ATPAF2: variants seen among roughly 807,000 people sequenced by gnomAD.
ATPAF2 encodes ATP synthase mitochondrial F1 complex assembly factor 2.
ATPAF2 carries 30 observed loss-of-function variants against 36.6 expected under a neutral mutation model. That is an observed-to-expected ratio of 0.82 (90% CI 0.61 to 1.11). The LOEUF (loss-of-function observed/expected upper bound fraction) is 1.11, where lower values mean the gene tolerates loss of function less well. Ranked by LOEUF, ATPAF2 falls within the 50% of genes most tolerant of loss-of-function variation. ATPAF2 has a pLI of 0.00. For missense variants in ATPAF2, 321 were observed against 372.3 expected, an observed-to-expected ratio of 0.86 and a Z score of 1.13; for synonymous variants, 140 against 152.6, an observed-to-expected ratio of 0.92 and a Z score of 0.61.
intron 1 of ATPAF2, among the ~76,000 whole-genome samples, 162 bp downstream of exon 1, chr17:18,038,719 C>G (rs941745945): frequency 1.3e-5 from 2 of 152,224 alleles, no homozygotes; most frequent in African/African-American, 4.8e-5. Flanking sequence ...GTCGTCTGCC[C>G]TTGTCTGGGC....
chr17:18,015,936 G>A, downstream of ATPAF2: 3 of 927,998 alleles, frequency 3.2e-6, no homozygotes, highest in Non-Finnish European at 4.9e-6. Context: ...CTGATACAAA[G>A]GTGGGCTCTG....
At chr17:18,024,401 C>T (rs1265598658) in intron 5 of ATPAF2, among the ~76,000 whole-genome samples, 1 of 152,206 alleles carries the variant, frequency 6.6e-6, no homozygotes, top group Non-Finnish European at 1.5e-5. Flanking sequence ...TGAACCGCTA[C>T]AGCAGGTGTG....
intron 1 of ATPAF2, among the ~76,000 whole-genome samples, chr17:18,038,132 A>G (rs1347547910): frequency 1.3e-5 from 2 of 152,244 alleles, no homozygotes; most frequent in African/African-American, 4.8e-5. Flanking sequence ...CTACCAATAC[A>G]TACAGGTGGG....
At chr17:18,028,155 C>A (rs760698992) in intron 3 of ATPAF2, 77 bp downstream of exon 3, 1 of 1,590,982 alleles carries the variant, frequency 6.3e-7, no homozygotes. Flanking sequence ...AGGGCCTTGT[C>A]GGAATTTGGT....
chr17:18,029,598 A>AT (rs911786067), intron 1 of ATPAF2, among the ~76,000 whole-genome samples: 34 of 149,402 alleles, frequency 2.3e-4, no homozygotes, highest in East Asian at 1.2e-3. Context: ...TTTTATTATT[A>AT]TTTTTTTTTT....
chr17:18,027,894 A>G (rs1002922468), intron 3 of ATPAF2: 8 of 363,286 alleles, frequency 2.2e-5, no homozygotes, highest in Admixed American at 3.8e-5. Flanking sequence ...ATGTGCAAAC[A>G]TAAAACAATT....
chr17:18,029,625 C>G (rs2044598564), intron 1 of ATPAF2, among the ~76,000 whole-genome samples: 1 of 151,432 alleles, frequency 6.6e-6, no homozygotes, highest in East Asian at 1.9e-4. Flanking sequence ...GCGTCTCACT[C>G]TCTTGCCCAG....
Position 18,021,862 on chromosome 17 carries a change from A to C in ATPAF2, c.504-5T>G. On this transcript the variant is annotated splice_polypyrimidine_tract_variant and splice_region_variant and intron_variant, in intron 5 of 7. Coordinates refer to ENST00000474627, the MANE Select transcript of ATPAF2 (RefSeq NM_145691.4). ...GAGCTGATCTCCACGCCGTATCTGA[A>C]AGGAAAAGGGCTTCGGCATGTCTCT... The C allele has an allele frequency of 6.2e-7, 1 of 1,613,276 alleles. No homozygotes were observed. Among genetic ancestry groups the C allele is most frequent in the Non-Finnish European group, 8.5e-7 (1 of 1,179,284 alleles).
intron 1 of ATPAF2, among the ~76,000 whole-genome samples, chr17:18,031,970 G>T (rs992609004): frequency 2.0e-5 from 3 of 152,142 alleles, no homozygotes; most frequent in Admixed American, 2.0e-4. Context: ...CCAAATGGCA[G>T]GCTAGACATG....
rs141026645 is a variant in ATPAF2, at chr17:18,028,374, C to T, written c.182G>A (p.Gly61Asp). The T allele has an allele frequency of 3.1e-6, 5 of 1,613,838 alleles. No individual in the cohort carries two copies. In the African/African-American group the frequency reaches 5.3e-5, roughly 17 times the overall value. The change falls in exon 3 of 8, where the codon GGC becomes GAC. Residue 61 changes from glycine (G) to aspartate (D), a missense_variant. Physicochemically the swap from Gly to Asp is moderately conservative, Grantham distance 94 (BLOSUM62 -1). Coordinates refer to ENST00000474627, the MANE Select transcript of ATPAF2 (RefSeq NM_145691.4). Reference protein sequence around the residue: ...QNVSITQGEGGFEINLDHRKL... With the variant: ...QNVSITQGEGDFEINLDHRKL... ...CCTGTGGTCCAGGTTTATCTCAAAG[C>T]CACCTTGAAAGATCAAATGAAAAAC...
Position 18,019,147 on chromosome 17 carries a change from C to CCACACACACACACACACACA in ATPAF2, c.733-481_733-462dup, listed in dbSNP as rs138932269. Among the ~76,000 whole-genome samples, 709 of 135,628 alleles carry CCACACACACACACACACACA rather than the reference C, an allele frequency of 5.2e-3. 11 individuals carry two copies. Among genetic ancestry groups the CCACACACACACACACACACA allele is most frequent in the East Asian group, 0.021 (91 of 4,384 alleles). 89.0% of individuals were successfully genotyped at this position (135,628 alleles called of 152,430 possible). A position where few individuals can be genotyped will look rare whatever the true frequency, so the allele number is the denominator to read the frequency against. On this transcript the variant is annotated intron_variant, in intron 7 of 7. Coordinates refer to ENST00000474627, the MANE Select transcript of ATPAF2 (RefSeq NM_145691.4). ...AGAGCAAGACCCTGTCTCAAAAACACCACACACACACACACACACACACAC... is the reference window on the plus strand; with the variant it reads ...AGAGCAAGACCCTGTCTCAAAAACACCACACACACACACACACACACACACACACACACACACACACACAC...
chr17:18,031,332 T>G (rs2044631717), intron 1 of ATPAF2, among the ~76,000 whole-genome samples: 1 of 152,156 alleles, frequency 6.6e-6, no homozygotes, highest in Admixed American at 6.5e-5. Context: ...TCTCATTTGC[T>G]ATCACTAATA....
downstream of ATPAF2, chr17:18,016,603 A>T: frequency 6.2e-7 from 1 of 1,613,932 alleles, no homozygotes; most frequent in African/African-American, 1.3e-5. Context: ...CGTGAAGGAG[A>T]TCAATCAGTA....
At chr17:18,027,458 G>A (rs1404240929) in intron 3 of ATPAF2, among the ~76,000 whole-genome samples, 2 of 152,202 alleles carry the variant, frequency 1.3e-5, no homozygotes, top group African/African-American at 4.8e-5. Context: ...CCCAGTCAGT[G>A]CTGGGGACCA....
At chr17:18,027,910 T>C (rs2044571154) in intron 3 of ATPAF2, 1 of 390,246 alleles carries the variant, frequency 2.6e-6, no homozygotes, top group Non-Finnish European at 4.8e-6. Flanking sequence ...CAATTATAAA[T>C]TGCCTAAGTG....
intron 1 of ATPAF2, among the ~76,000 whole-genome samples, chr17:18,029,593 T>A (rs986022637): frequency 6.6e-6 from 1 of 151,214 alleles, no homozygotes; most frequent in Non-Finnish European, 1.5e-5. Flanking sequence ...ATTTATTTTA[T>A]TATTATTTTT....
chr17:18,031,438 T>A (rs766522989), intron 1 of ATPAF2, among the ~76,000 whole-genome samples: 1 of 152,170 alleles, frequency 6.6e-6, no homozygotes, highest in Admixed American at 6.5e-5. Flanking sequence ...GTGTCTACCA[T>A]GTGTCTTGGC....
At chr17:18,036,934 G>A (rs2044711055) in intron 1 of ATPAF2, among the ~76,000 whole-genome samples, 1 of 152,132 alleles carries the variant, frequency 6.6e-6, no homozygotes, top group South Asian at 2.1e-4. Flanking sequence ...AGCCACGTGT[G>A]GTGGCGGACA....
chr17:18,023,201 G>A (rs1009503532), intron 5 of ATPAF2, among the ~76,000 whole-genome samples: 5 of 150,754 alleles, frequency 3.3e-5, no homozygotes, highest in African/African-American at 1.2e-4. Context: ...GGAGAATGAG[G>A]TGGGCAATCA....
Sources: gnomAD v4.1 joint callset for allele counts (sites outside exome capture counted in the v4.1 genomes callset) on GRCh38, gnomAD v4.1.1 for gene constraint, MANE v1.5 for transcripts, NCBI Gene and HGNC (gene_info 2026-07-23, HGNC 2026-07-21) for gene names.